Variants in GRID2IP observed in about 807,000 individuals in gnomAD.
GRID2IP encodes the protein Grid2 interacting protein, also known as delphilin.
Under a neutral mutation model 114.3 loss-of-function variants are expected in GRID2IP, and 78 were observed. The ratio of observed to expected loss-of-function variants is 0.68; its 90% CI spans 0.57 to 0.82. The LOEUF is 0.82. Among genes scored for constraint, GRID2IP ranks in the 40% least tolerant of loss-of-function variants. The pLI, the probability that GRID2IP is intolerant of heterozygous loss-of-function variation, is 0.00. For synonymous variants in GRID2IP, 809 were observed against 724.0 expected, an observed-to-expected ratio of 1.12 and a Z score of -1.89; for missense variants, 1,727 against 1,678.5, an observed-to-expected ratio of 1.03 and a Z score of -0.51.
chr7:6,532,190 G>T lies in GRID2IP; in HGVS notation c.585-5421C>A, dbSNP rs890342077. ...TCTCAAGGAGTCCCGACTGCCTCTG[G>T]AGAGGCCCAGAATCAGGCCTGAGGA... is the stretch of plus-strand genomic sequence containing the variant. On this transcript the variant is annotated intron_variant, in intron 2 of 21. Transcript: ENST00000457091. This position sits in a 1 kb window ranked among gnomAD's most constrained non-coding sequence, Gnocchi z 4.4. Among the ~76,000 whole-genome samples, 5 of 152,126 alleles carry T rather than the reference G, an allele frequency of 3.3e-5. No homozygotes were observed. In the South Asian group the frequency reaches 6.2e-4, roughly 19 times the overall value.
At position 6,528,177 on chromosome 7, in the gene GRID2IP, G is replaced by A. The variant is rs908468893; in HGVS notation, c.585-1408C>T. 2.6e-5 allele frequency among the ~76,000 whole-genome samples: 4 copies of A among 152,190 alleles called. No individual in the cohort carries two copies. The highest frequency in any genetic ancestry group is 1.9e-4 in the East Asian group (1 of 5,180). The stretch of plus-strand genomic sequence containing the variant: ...TTCTCGAAGTGCTGGGATTACAGGC[G>A]TGAGCTACAACACCCAGCCTTGGAA... On this transcript the variant is annotated intron_variant, in intron 2 of 21. Transcript: ENST00000457091. The surrounding 1 kb of genome is among the most constrained non-coding windows in gnomAD (Gnocchi z 6.0).
At position 6,507,275 on chromosome 7, in the gene GRID2IP, T is replaced by C. The variant is rs538416592; in HGVS notation, c.2544+710A>G. 5.9e-5 allele frequency among the ~76,000 whole-genome samples: 9 copies of C among 152,240 alleles called. No individual in the cohort carries two copies. Among genetic ancestry groups the C allele is most frequent in the South Asian group, 4.1e-4 (2 of 4,828 alleles). ...GAGCTGAGAACCCTGTTCTCTCCTC[T>C]GAGCTGGTCAAGCCCCATTGGGGGT... On this transcript the variant is annotated intron_variant, in intron 13 of 21. Coordinates refer to ENST00000457091, the MANE Select transcript of GRID2IP (RefSeq NM_001145118.2). This position sits in a 1 kb window ranked among gnomAD's most constrained non-coding sequence, Gnocchi z 5.3.
intron 1 of GRID2IP, among the ~76,000 whole-genome samples, chr7:6,548,790 C>T (rs910406114): frequency 7.4e-5 from 11 of 149,412 alleles, no homozygotes; most frequent in African/African-American, 2.2e-4. Context: ...TGCAGTGAGC[C>T]GAGATCACAC....
intron 7 of GRID2IP, among the ~76,000 whole-genome samples, chr7:6,518,644 G>T (rs1291429200): frequency 6.6e-6 from 1 of 152,026 alleles, no homozygotes; most frequent in African/African-American, 2.4e-5. Context: ...GCTGAGGCAG[G>T]AGAATCGCTT....
At chr7:6,543,835 A>C (rs1401835068) in intron 1 of GRID2IP, among the ~76,000 whole-genome samples, 1 of 151,570 alleles carries the variant, frequency 6.6e-6, no homozygotes. Flanking sequence ...TCTGTCGCTC[A>C]CTCTGTCGCT....
At chr7:6,524,717 C>T (rs1006693387) in intron 4 of GRID2IP, among the ~76,000 whole-genome samples, 1 of 151,386 alleles carries the variant, frequency 6.6e-6, no homozygotes, top group African/African-American at 2.4e-5. Context: ...GAGACCTCAT[C>T]TCTCGTTTGT....
intron 2 of GRID2IP, among the ~76,000 whole-genome samples, chr7:6,535,128 A>G (rs1583350944): frequency 1.3e-5 from 2 of 151,766 alleles, no homozygotes; most frequent in African/African-American, 4.8e-5. Flanking sequence ...CAGGTGATCC[A>G]CCCGCCTCGG....
At position 6,508,415 on chromosome 7, in the gene GRID2IP, G is replaced by A; in HGVS notation, c.2128-14C>T. On this transcript the variant is annotated splice_polypyrimidine_tract_variant and intron_variant, in intron 12 of 21. Coordinates refer to ENST00000457091, the MANE Select transcript of GRID2IP (RefSeq NM_001145118.2). The surrounding 1 kb of genome is among the most constrained non-coding windows in gnomAD (Gnocchi z 5.6). ...ATGGAAGCTCATCTGGTGGTGGGGA[G>A]AGAGGCAAGGGGAGGGTGAGGCTGG... The A allele has an allele frequency of 1.3e-6, 2 of 1,551,018 alleles. No homozygotes were observed. Among genetic ancestry groups the A allele is most frequent in the Non-Finnish European group, 1.7e-6 (2 of 1,147,068 alleles).
chr7:6,503,269 G>A (rs60239513), intron 16 of GRID2IP, 106 bp from the exon 17 acceptor site: 216,491 of 1,168,786 alleles, frequency 0.19, 24,164 homozygotes, highest in African/African-American at 0.4. Flanking sequence ...GCTTCGGCCC[G>A]ATATTCCGGT....
At chr7:6,550,784 G>C (rs970874076) in intron 1 of GRID2IP, among the ~76,000 whole-genome samples, 2 of 151,852 alleles carry the variant, frequency 1.3e-5, no homozygotes, top group African/African-American at 4.8e-5. Context: ...GCCAAGACCT[G>C]GCCACTGCAC....
intron 2 of GRID2IP, chr7:6,531,009 GA>G: frequency 1.6e-6 from 1 of 638,562 alleles, no homozygotes; most frequent in Non-Finnish European, 2.8e-6. Flanking sequence ...GCCCGAGGCG[GA>G]TCCGTGGCGC....
rs116062247 is a variant in GRID2IP, at chr7:6,520,277, C to G, written c.1268+301G>C. On this transcript the variant is annotated intron_variant, in intron 7 of 21. Transcript: ENST00000457091. This position sits in a 1 kb window ranked among gnomAD's most constrained non-coding sequence, Gnocchi z 4.6. Reference sequence around the variant, plus strand: ...ATTGCACTCCAGCTGGGTGATAGAGCGAGACTCCATCTCAAAAAAAAAAAA... The same window carrying G: ...ATTGCACTCCAGCTGGGTGATAGAGGGAGACTCCATCTCAAAAAAAAAAAA... Among the ~76,000 whole-genome samples the G allele has an allele frequency of 6.7e-6, 1 of 149,126 alleles. No homozygotes were observed. Among genetic ancestry groups the G allele is most frequent in the Non-Finnish European group, 1.5e-5 (1 of 67,876 alleles).
rs1179816067 is a variant in GRID2IP, at chr7:6,509,668, C to G, written c.1772-355G>C. Among the ~76,000 whole-genome samples the G allele has an allele frequency of 6.6e-6, 1 of 152,176 alleles. No homozygotes were observed. Among genetic ancestry groups the G allele is most frequent in the Non-Finnish European group, 1.5e-5 (1 of 68,020 alleles). ...TGGAGCGTCTCGCGCACCCAGCAAG[C>G]CCTGAGATCACAGGAGGGCCTCCCA... On this transcript the variant is annotated intron_variant, in intron 11 of 21. Transcript: ENST00000457091. This position sits in a 1 kb window ranked among gnomAD's most constrained non-coding sequence, Gnocchi z 4.9.
chr7:6,511,389 T>C (rs1583338344), intron 8 of GRID2IP, among the ~76,000 whole-genome samples: 2 of 151,346 alleles, frequency 1.3e-5, no homozygotes, highest in Admixed American at 1.3e-4. Flanking sequence ...GTTTTTTTTT[T>C]GAGACTGAGT....
chr7:6,501,832 G>A lies in GRID2IP; in HGVS notation c.3348C>T (p.Ala1116=). ...CGCTAGAGGGGGAAATGCTCTGGCAGGCATCCTGTATCTCGCTGATAGTGC... is the reference window on the plus strand; with the variant it reads ...CGCTAGAGGGGGAAATGCTCTGGCAAGCATCCTGTATCTCGCTGATAGTGC... ...LHGTISEIQD[A]CQSISPSSED... is the part of the protein sequence containing the mutation. The change falls in exon 20 of 22, where the codon GCC becomes GCT. Residue 1116 remains alanine (A), a synonymous_variant. Coordinates refer to ENST00000457091, the MANE Select transcript of GRID2IP (RefSeq NM_001145118.2). 1 of 1,551,570 alleles carries A rather than the reference G, an allele frequency of 6.4e-7. No homozygotes were observed. The highest frequency in any genetic ancestry group is 8.7e-7 in the Non-Finnish European group (1 of 1,146,992).
Position 6,506,566 on chromosome 7 carries a change from A to G in GRID2IP, c.2545-659T>C, listed in dbSNP as rs185721668. Among the ~76,000 whole-genome samples, 41 of 152,166 alleles carry G rather than the reference A, an allele frequency of 2.7e-4. No individual in the cohort carries two copies. Among genetic ancestry groups the G allele is most frequent in the Non-Finnish European group, 5.0e-4 (34 of 68,040 alleles). On this transcript the variant is annotated intron_variant, in intron 13 of 21. Coordinates refer to ENST00000457091, the MANE Select transcript of GRID2IP (RefSeq NM_001145118.2). The surrounding 1 kb of genome is among the most constrained non-coding windows in gnomAD (Gnocchi z 5.2). ...TGTGTCCCTGTGTCCACCTTTGGTA[A>G]CCAATGGAAGAACCACGCTGTGGAG...
intron 1 of GRID2IP, among the ~76,000 whole-genome samples, chr7:6,545,868 C>G (rs919319882): frequency 3.9e-5 from 6 of 152,106 alleles, no homozygotes; most frequent in Non-Finnish European, 5.9e-5. Context: ...ACGCGCCGTG[C>G]TGGGGAAGGT....
chr7:6,541,424 C>G (rs1414251889), intron 1 of GRID2IP, among the ~76,000 whole-genome samples: 1 of 152,196 alleles, frequency 6.6e-6, no homozygotes, highest in Non-Finnish European at 1.5e-5. Flanking sequence ...ACAGAACATT[C>G]TGACTCCACA....
chr7:6,509,380 G>A lies in GRID2IP; in HGVS notation c.1772-67C>T. The A allele has an allele frequency of 7.2e-7, 1 of 1,379,652 alleles. No individual in the cohort carries two copies. The highest frequency in any genetic ancestry group is 9.7e-7 in the Non-Finnish European group (1 of 1,033,000). The allele number at this position is 1,379,652 out of a possible 1,614,324, so 85.5% of individuals were successfully genotyped here. A position where few individuals can be genotyped will look rare whatever the true frequency, so the allele number is the denominator to read the frequency against. Reference sequence around the variant, plus strand: ...ACCGAGGTTCCAGGTGCAAGCTGGAGAGAGGGTCCTAGGACAGACTGGCTC... The same window carrying A: ...ACCGAGGTTCCAGGTGCAAGCTGGAAAGAGGGTCCTAGGACAGACTGGCTC... On this transcript the variant is annotated intron_variant, in intron 11 of 21. Coordinates refer to ENST00000457091, the MANE Select transcript of GRID2IP (RefSeq NM_001145118.2). This position sits in a 1 kb window ranked among gnomAD's most constrained non-coding sequence, Gnocchi z 4.9.
Sources: allele counts gnomAD v4.1 joint callset (sites outside exome capture counted in the v4.1 genomes callset), GRCh38; gene constraint gnomAD v4.1.1; non-coding constraint Gnocchi (gnomAD v3.1); transcripts MANE v1.5; gene names NCBI Gene and HGNC (gene_info 2026-07-23, HGNC 2026-07-21).